Variants in ACVR1 observed in about 807,000 individuals in gnomAD.
ACVR1 encodes the protein activin A receptor type 1.
A neutral mutation model predicts 57.1 loss-of-function variants in ACVR1; 38 were observed. That is an observed-to-expected ratio of 0.67 (90% CI 0.51 to 0.87). ACVR1 has a LOEUF of 0.87. Ranked by LOEUF, ACVR1 falls within the 40% of genes least tolerant of loss-of-function variation. The pLI, the probability that ACVR1 is intolerant of heterozygous loss-of-function variation, is 0.00. For synonymous variants in ACVR1, 212 were observed against 228.1 expected (o/e 0.93, Z 0.63); for missense variants, 463 against 638.2 (o/e 0.73, Z 2.96).
At position 157,736,931 on chromosome 2, in the gene ACVR1, T is replaced by C. The variant is rs1456216819; in HGVS notation, c.*600A>G. 1.9e-5 allele frequency: 6 copies of C among 312,218 alleles called. No individual in the cohort carries two copies. Among genetic ancestry groups the C allele is most frequent in the Non-Finnish European group, 3.5e-5 (6 of 169,462 alleles). The allele number at this position is 312,218 out of a possible 1,614,324, so 19.3% of individuals were successfully genotyped here. A position where few individuals can be genotyped will look rare whatever the true frequency, so the allele number is the denominator to read the frequency against. On this transcript the variant is annotated 3_prime_UTR_variant, in exon 11 of 11. Transcript: ENST00000434821. ...AAACAATTCCTAATGTTCGGCATCA[T>C]TGTAAACATCAGCACATGTGTAAAA...
At chr2:157,843,056 C>A (rs956942297) in intron 1 of ACVR1, among the ~76,000 whole-genome samples, 1 of 152,166 alleles carries the variant, frequency 6.6e-6, no homozygotes, top group African/African-American at 2.4e-5. Context: ...TAAATTCTAT[C>A]CTCCCATTGA....
chr2:157,852,419 C>T (rs1689347894), intron 1 of ACVR1, among the ~76,000 whole-genome samples: 2 of 149,428 alleles, frequency 1.3e-5, no homozygotes, highest in Non-Finnish European at 3.0e-5. Context: ...ACTGCTTGAA[C>T]TAGGGAGGTG....
chr2:157,779,087 G>A (rs1686407870), intron 4 of ACVR1, among the ~76,000 whole-genome samples: 1 of 152,138 alleles, frequency 6.6e-6, no homozygotes. Flanking sequence ...ATGAGAAAGT[G>A]TAAAACTAAC....
intron 4 of ACVR1, 121 bp downstream of exon 4, chr2:157,780,216 T>A: frequency 2.1e-6 from 3 of 1,431,848 alleles, no homozygotes; most frequent in Non-Finnish European, 2.9e-6. Flanking sequence ...CTTGTAGCTC[T>A]TCGCCTCTGA....
chr2:157,839,728 C>T (rs767491220), intron 1 of ACVR1, among the ~76,000 whole-genome samples: 18 of 152,144 alleles, frequency 1.2e-4, no homozygotes, highest in Non-Finnish European at 2.4e-4. Context: ...TCACTGGCTC[C>T]CTGCTTCTGG....
At chr2:157,749,269 C>A (rs1248317453) in intron 9 of ACVR1, among the ~76,000 whole-genome samples, 1 of 152,146 alleles carries the variant, frequency 6.6e-6, no homozygotes, top group African/African-American at 2.4e-5. Context: ...GATTTGGGTA[C>A]ATGAAAGGCA....
chr2:157,761,905 G>A (rs984256500), intron 8 of ACVR1, among the ~76,000 whole-genome samples: 2 of 152,160 alleles, frequency 1.3e-5, no homozygotes, highest in South Asian at 2.1e-4. Flanking sequence ...AGCAGTCCCT[G>A]TAAACCACTG....
chr2:157,855,332 ACACACACACACAC>A, intron 1 of ACVR1, among the ~76,000 whole-genome samples: 3 of 141,618 alleles, frequency 2.1e-5, no homozygotes, highest in Non-Finnish European at 4.6e-5. Flanking sequence ...ATACACACAC[ACACACACACACAC>A]AAAAATTAGC....
At chr2:157,772,998 A>G (rs1686129677) in intron 6 of ACVR1, among the ~76,000 whole-genome samples, 2 of 152,138 alleles carry the variant, frequency 1.3e-5, no homozygotes, top group African/African-American at 4.8e-5. Flanking sequence ...AACAAGAAGA[A>G]AATCTGGAGA....
intron 9 of ACVR1, among the ~76,000 whole-genome samples, chr2:157,739,849 A>G (rs1684684589): frequency 6.6e-6 from 1 of 152,248 alleles, no homozygotes; most frequent in Non-Finnish European, 1.5e-5. Flanking sequence ...TTGGCTAAAT[A>G]AAGGTTTATA....
chr2:157,844,815 T>C (rs1447463007), intron 1 of ACVR1, among the ~76,000 whole-genome samples: 7 of 152,044 alleles, frequency 4.6e-5, no homozygotes, highest in Non-Finnish European at 1.0e-4. Flanking sequence ...TGGTGCGTGA[T>C]TAAGTCATTA....
At chr2:157,828,899 T>C (rs964873005) in intron 1 of ACVR1, among the ~76,000 whole-genome samples, 1 of 152,136 alleles carries the variant, frequency 6.6e-6, no homozygotes, top group African/African-American at 2.4e-5. Flanking sequence ...CCTGAGTAGC[T>C]GGGATTACAG....
intron 1 of ACVR1, among the ~76,000 whole-genome samples, chr2:157,860,358 T>C (rs768394561): frequency 6.6e-6 from 1 of 152,126 alleles, no homozygotes; most frequent in Non-Finnish European, 1.5e-5. Flanking sequence ...TGTCTAAGGT[T>C]TAGGAAGCAG....
chr2:157,758,617 A>G (rs1336961475), intron 9 of ACVR1, among the ~76,000 whole-genome samples: 1 of 152,090 alleles, frequency 6.6e-6, no homozygotes, highest in Non-Finnish European at 1.5e-5. Flanking sequence ...GGACTTCAAC[A>G]TCCTACTCTT....
intron 2 of ACVR1, among the ~76,000 whole-genome samples, chr2:157,813,272 G>A (rs563049214): frequency 1.0e-3 from 152 of 151,858 alleles, no homozygotes; most frequent in African/African-American, 3.4e-3. Context: ...GAAACTAAAC[G>A]GTTATCCCAG....
At chr2:157,748,750 GAA>G in intron 9 of ACVR1, among the ~76,000 whole-genome samples, 1 of 151,484 alleles carries the variant, frequency 6.6e-6, no homozygotes, top group African/African-American at 2.4e-5. Flanking sequence ...CTGCTATTAG[GAA>G]AAAAAACCAC....
rs372260319 is a variant in ACVR1 at position 157,761,090 on chromosome 2, A to C, written c.1067-13T>G. On this transcript the variant is annotated splice_polypyrimidine_tract_variant and intron_variant, in intron 8 of 10. Coordinates refer to ENST00000434821, the MANE Select transcript of ACVR1 (RefSeq NM_001111067.4). ...ATGACTGCCAGGCCTGAAAGGAAGA[A>C]GATAACAATGTAATCAACCCACTTC... The C allele has an allele frequency of 6.2e-6, 10 of 1,613,014 alleles. No homozygotes were observed. Among genetic ancestry groups the C allele is most frequent in the Non-Finnish European group, 8.5e-6 (10 of 1,179,850 alleles).
At chr2:157,789,420 C>T (rs529593193) in intron 3 of ACVR1, among the ~76,000 whole-genome samples, 5 of 152,214 alleles carry the variant, frequency 3.3e-5, no homozygotes, top group African/African-American at 1.2e-4. Context: ...CAAATCCAGG[C>T]GAGAGCAACA....
intron 1 of ACVR1, among the ~76,000 whole-genome samples, chr2:157,859,491 C>G (rs1689651086): frequency 1.3e-5 from 2 of 152,208 alleles, no homozygotes; most frequent in African/African-American, 4.8e-5. Context: ...CTTCACTTTA[C>G]TCTATGGACT....
Sources: allele counts gnomAD v4.1 joint callset (sites outside exome capture counted in the v4.1 genomes callset), GRCh38; gene constraint gnomAD v4.1.1; transcripts MANE v1.5; gene names NCBI Gene and HGNC (gene_info 2026-07-23, HGNC 2026-07-21).